The following CACNA1I variants were observed in gnomAD, a reference collection of about 807,000 sequenced individuals.
CACNA1I encodes the protein calcium voltage-gated channel subunit alpha1 I.
Under a neutral mutation model 201.6 loss-of-function variants are expected in CACNA1I, and 74 were observed. The observed-to-expected ratio is 0.37, with a 90% CI of 0.30 to 0.45. The LOEUF is 0.45. CACNA1I is among the 20% of genes least tolerant of loss of function. The pLI is 1.00. For missense variants in CACNA1I, 2,346 were observed against 3,138.1 expected, an observed-to-expected ratio of 0.75 and a Z score of 6.03; for synonymous variants, 1,431 against 1,345.2, an observed-to-expected ratio of 1.06 and a Z score of -1.40.
chr22:39,679,478 C>T (rs1485286153), intron 32 of CACNA1I, 33 bp downstream of exon 32: 1 of 1,361,046 alleles, frequency 7.3e-7, no homozygotes, highest in Non-Finnish European at 9.6e-7. Flanking sequence ...TGAGGGTCGC[C>T]AGAGGGGGGG....
chr22:39,668,635 C>T (rs1311655712), intron 24 of CACNA1I, among the ~76,000 whole-genome samples: 6 of 152,274 alleles, frequency 3.9e-5, no homozygotes, highest in African/African-American at 1.4e-4. Context: ...CTGAGCTGCA[C>T]CCTGCCTGGA....
chr22:39,660,504 G>A lies in CACNA1I; in HGVS notation c.2698+67G>A, dbSNP rs1601507963. ...TCTCCACAGATCCAGGTGGGCAGAGGGTACAGCGTCTGACTCCACCTCAAG... is the reference window on the plus strand; with the variant it reads ...TCTCCACAGATCCAGGTGGGCAGAGAGTACAGCGTCTGACTCCACCTCAAG... On this transcript the variant is annotated intron_variant, in intron 15 of 36. Transcript: ENST00000402142. The A allele has an allele frequency of 1.1e-5, 12 of 1,138,124 alleles. No individual in the cohort carries two copies. In the South Asian group the frequency reaches 1.3e-4, roughly 12 times the overall value. 70.5% of individuals were successfully genotyped at this position (1,138,124 alleles called of 1,614,324 possible). A position where few individuals can be genotyped will look rare whatever the true frequency, so the allele number is the denominator to read the frequency against.
rs1302304045 is a variant in CACNA1I, at chr22:39,687,249, G to C, written c.*844G>C. ...CTGAGGGGGTGGGTTCCACCCCCAG[G>C]AGGGCGGGGGTGGGTGGAGCAGGAG... On this transcript the variant is annotated 3_prime_UTR_variant, in exon 37 of 37. Transcript: ENST00000402142. 1 of 152,350 alleles carries C rather than the reference G, an allele frequency of 6.6e-6. No individual in the cohort carries two copies. The highest frequency in any genetic ancestry group is 1.5e-5 in the Non-Finnish European group (1 of 68,264). The allele number at this position is 152,350 out of a possible 1,614,324, so 9.4% of individuals were successfully genotyped here. A position where few individuals can be genotyped will look rare whatever the true frequency, so the allele number is the denominator to read the frequency against.
chr22:39,601,281 C>A (rs1222335617), intron 3 of CACNA1I, among the ~76,000 whole-genome samples: 1 of 152,244 alleles, frequency 6.6e-6, no homozygotes, highest in African/African-American at 2.4e-5. Context: ...GGAGAGCAAG[C>A]CAGACACAGG....
At chr22:39,663,531 G>A (rs925228618) in intron 18 of CACNA1I, among the ~76,000 whole-genome samples, 187 bp from the exon 19 acceptor site, 2 of 152,180 alleles carry the variant, frequency 1.3e-5, no homozygotes, top group African/African-American at 4.8e-5. Context: ...GTGGGTGTAT[G>A]GTCAGAGGAG....
intron 6 of CACNA1I, among the ~76,000 whole-genome samples, chr22:39,642,100 C>T (rs57831008): frequency 0.024 from 3,722 of 152,236 alleles, 158 homozygotes; most frequent in African/African-American, 0.083. Flanking sequence ...GCTGCCTCTG[C>T]TGCCCTGTGC....
intron 4 of CACNA1I, among the ~76,000 whole-genome samples, chr22:39,630,467 C>T (rs1934028876): frequency 6.6e-6 from 1 of 152,242 alleles, no homozygotes; most frequent in Admixed American, 6.5e-5. Flanking sequence ...AGCCCTCATT[C>T]AGTACTTGCT....
chr22:39,680,302 C>G (rs1935665152), intron 33 of CACNA1I, among the ~76,000 whole-genome samples: 1 of 152,328 alleles, frequency 6.6e-6, no homozygotes, highest in East Asian at 1.9e-4. Context: ...CCACCCAGCT[C>G]AGGGGTTCCC....
chr22:39,613,369 C>A (rs1933435824), intron 3 of CACNA1I, among the ~76,000 whole-genome samples: 1 of 152,200 alleles, frequency 6.6e-6, no homozygotes, highest in South Asian at 2.1e-4. Context: ...ATCAGTGGGA[C>A]ACCAGGCAGA....
intron 34 of CACNA1I, 102 bp from the exon 35 acceptor site, chr22:39,682,394 G>A (rs1935731234): frequency 2.2e-6 from 2 of 925,748 alleles, no homozygotes; most frequent in African/African-American, 1.6e-5. Context: ...AGACATGAGG[G>A]TAGCCTAGTT....
intron 3 of CACNA1I, among the ~76,000 whole-genome samples, chr22:39,609,410 T>G (rs1179717708): frequency 1.3e-5 from 2 of 152,228 alleles, no homozygotes; most frequent in African/African-American, 4.8e-5. Flanking sequence ...GAATCCGTGT[T>G]TTTCTGACAT....
intron 4 of CACNA1I, among the ~76,000 whole-genome samples, chr22:39,624,316 G>A (rs941114934): frequency 6.6e-6 from 1 of 152,110 alleles, no homozygotes; most frequent in Non-Finnish European, 1.5e-5. Flanking sequence ...GGACACTCCC[G>A]GTCCCCAGCA....
intron 27 of CACNA1I, among the ~76,000 whole-genome samples, chr22:39,672,674 T>G (rs2235341): frequency 0.53 from 80,128 of 151,978 alleles, 21,981 homozygotes; most frequent in East Asian, 0.96. Flanking sequence ...AAGATTAGAC[T>G]TGGAAGTCAT....
At chr22:39,638,588 T>C (rs2092179) in intron 5 of CACNA1I, among the ~76,000 whole-genome samples, 42,904 of 152,194 alleles carry the variant, frequency 0.28, 8,014 homozygotes, top group East Asian at 0.91. Context: ...TTTTGTTCCA[T>C]TGGTGAGTGT....
At chr22:39,589,437 C>T (rs748659932) in intron 1 of CACNA1I, among the ~76,000 whole-genome samples, 7 of 152,218 alleles carry the variant, frequency 4.6e-5, no homozygotes, top group Non-Finnish European at 8.8e-5. Context: ...AACGAATGAA[C>T]GAATGAATGT....
intron 4 of CACNA1I, among the ~76,000 whole-genome samples, chr22:39,630,884 G>A (rs1055766479): frequency 6.6e-6 from 1 of 152,172 alleles, no homozygotes; most frequent in Admixed American, 6.5e-5. Flanking sequence ...AGGAGGTGTC[G>A]TGGGTGGGGG....
At position 39,575,323 on chromosome 22, in the gene CACNA1I, G is replaced by A. The variant is rs573297688; in HGVS notation, c.236+4335G>A. Among the ~76,000 whole-genome samples, 3 of 152,274 alleles carry A rather than the reference G, an allele frequency of 2.0e-5. No individual in the cohort carries two copies. In the East Asian group the frequency reaches 5.8e-4, roughly 29 times the overall value. The stretch of plus-strand genomic sequence containing the variant: ...CCCAGTTTCCCCACCTGTCAAACAC[G>A]GGTGGTAATACCCACTCCACAGGGT... On this transcript the variant is annotated intron_variant, in intron 1 of 36. Coordinates refer to ENST00000402142, the MANE Select transcript of CACNA1I (RefSeq NM_021096.4).
intron 1 of CACNA1I, among the ~76,000 whole-genome samples, chr22:39,582,359 T>C (rs1932582381): frequency 6.6e-6 from 1 of 152,066 alleles, no homozygotes; most frequent in Non-Finnish European, 1.5e-5. Context: ...TGGAGATGGT[T>C]TTGGTTGCTC....
At position 39,684,683 on chromosome 22, in the gene CACNA1I, G is replaced by T. The variant is rs987760470; in HGVS notation, c.6027+185G>T. ...CTGGAGGGGGAGGTGGCACTGGGGC[G>T]GATGGAGTGGGCGGGGCTGGGTCCT... On this transcript the variant is annotated intron_variant, in intron 36 of 36. Transcript: ENST00000402142. This position sits in a 1 kb window ranked among gnomAD's most constrained non-coding sequence, Gnocchi z 4.6. 15 of 667,768 alleles carry T rather than the reference G, an allele frequency of 2.2e-5. No individual in the cohort carries two copies. The highest frequency in any genetic ancestry group is 2.0e-4 in the African/African-American group (11 of 55,698). 41.4% of individuals were successfully genotyped at this position (667,768 alleles called of 1,614,324 possible).
Sources: gnomAD v4.1 joint callset for allele counts (sites outside exome capture counted in the v4.1 genomes callset) on GRCh38, gnomAD v4.1.1 for gene constraint, Gnocchi (gnomAD v3.1) non-coding constraint, MANE v1.5 for transcripts, NCBI Gene and HGNC (gene_info 2026-07-23, HGNC 2026-07-21) for gene names.